The following ZNF235 variants were observed in gnomAD, a reference collection of about 807,000 sequenced individuals.
ZNF235 encodes zfp-93.
In ZNF235, 25 loss-of-function variants were observed where a neutral mutation model predicts 29.4. The ratio of observed to expected loss-of-function variants is 0.85; its 90% confidence interval spans 0.62 to 1.19. The LOEUF (loss-of-function observed/expected upper bound fraction) is 1.19, where lower values mean the gene tolerates loss of function less well. Ranked by LOEUF, ZNF235 falls within the 50% of genes most tolerant of loss-of-function variation. The probability of loss-of-function intolerance (pLI) is 0.00; values close to 1 mark genes in which losing one functional copy is unlikely to be tolerated. For synonymous variants in ZNF235, 300 were observed against 295.3 expected, an observed-to-expected ratio of 1.02 and a Z score of -0.16; for missense variants, 788 against 885.0, an observed-to-expected ratio of 0.89 and a Z score of 1.39.
chr19:44,286,877 T>C lies in ZNF235; in HGVS notation c.*341A>G, dbSNP rs910181367. 5 of 204,444 alleles carry C rather than the reference T, an allele frequency of 2.4e-5. No homozygotes were observed. Among genetic ancestry groups the C allele is most frequent in the South Asian group, 2.7e-4 (2 of 7,330 alleles). The allele number at this position is 204,444 out of a possible 1,614,324, so 12.7% of individuals were successfully genotyped here. ...TACATTTTAGTTGACATCCATTTTT[T>C]CTGTCAATCATACTTTTGTTAAAGG... On this transcript the variant is annotated 3_prime_UTR_variant, in exon 5 of 5. Transcript: ENST00000291182.
chr19:44,289,433 A>G, intron 4 of ZNF235: 1 of 430,556 alleles, frequency 2.3e-6, no homozygotes, highest in Non-Finnish European at 4.1e-6. Context: ...GTTAAGGTGT[A>G]TCTTGGGTCT....
chr19:44,293,160 C>A (rs1045709325), intron 4 of ZNF235, among the ~76,000 whole-genome samples: 1 of 151,806 alleles, frequency 6.6e-6, no homozygotes, highest in Admixed American at 6.6e-5. Flanking sequence ...AATAATTACA[C>A]AAAGAAAGAA....
At chr19:44,292,861 T>C (rs1975603433) in intron 4 of ZNF235, among the ~76,000 whole-genome samples, 1 of 152,048 alleles carries the variant, frequency 6.6e-6, no homozygotes. Context: ...TAGTCACCTA[T>C]AAAGGAAGCT....
At position 44,304,931 on chromosome 19, in the gene ZNF235, G is replaced by C. The variant is rs112795831; in HGVS notation, c.-49+40C>G. ...ATTGCTGGCCCCACGCCTAGGCAAA[G>C]AGGGCTCGGAGAAGTCTTGGAGACC... is the stretch of plus-strand genomic sequence containing the variant. On this transcript the variant is annotated intron_variant, in intron 1 of 4. Transcript: ENST00000291182. The C allele has an allele frequency of 4.3e-4, 427 of 985,488 alleles. 3 individuals carry two copies. In the African/African-American group the frequency reaches 7.0e-3, roughly 16 times the overall value. 61.0% of individuals were successfully genotyped at this position (985,488 alleles called of 1,614,324 possible).
At chr19:44,303,548 T>A (rs527540086) in intron 1 of ZNF235, 96 bp from the exon 2 acceptor site, 1 of 1,139,802 alleles carries the variant, frequency 8.8e-7, no homozygotes, top group Non-Finnish European at 1.3e-6. Flanking sequence ...CCCCTGTCTC[T>A]AGGCAGACAC....
intron 2 of ZNF235, among the ~76,000 whole-genome samples, chr19:44,300,605 C>T (rs919803979): frequency 1.5e-4 from 23 of 151,864 alleles, no homozygotes; most frequent in Non-Finnish European, 2.9e-4. Flanking sequence ...TTTGAGAGGT[C>T]GAGACGGGCA....
At chr19:44,295,438 T>C (rs2722751) in intron 4 of ZNF235, among the ~76,000 whole-genome samples, 109,082 of 151,704 alleles carry the variant, frequency 0.72, 39,490 homozygotes, top group African/African-American at 0.79. Flanking sequence ...AAAGAAGTTG[T>C]AGATGACATA....
At chr19:44,302,474 A>G (rs1333329292) in intron 2 of ZNF235, among the ~76,000 whole-genome samples, 1 of 152,068 alleles carries the variant, frequency 6.6e-6, no homozygotes, top group Non-Finnish European at 1.5e-5. Flanking sequence ...ATTTGTAAAC[A>G]TATTTGTAAT....
intron 2 of ZNF235, among the ~76,000 whole-genome samples, chr19:44,302,993 TATATAC>T (rs1179171176): frequency 3.8e-5 from 5 of 131,528 alleles, no homozygotes; most frequent in Admixed American, 7.8e-5. Context: ...TATATATAAA[TATATAC>T]ATATATACGT....
chr19:44,294,520 C>A (rs1244954741), intron 4 of ZNF235, among the ~76,000 whole-genome samples: 1 of 152,118 alleles, frequency 6.6e-6, no homozygotes, highest in African/African-American at 2.4e-5. Context: ...TCTACTAAAA[C>A]TCTTTCAAAA....
intron 4 of ZNF235, among the ~76,000 whole-genome samples, chr19:44,292,072 AG>A (rs1307959941): frequency 6.6e-6 from 1 of 152,144 alleles, no homozygotes; most frequent in African/African-American, 2.4e-5. Flanking sequence ...GATTATCTCA[AG>A]AATGCAAGGC....
intron 1 of ZNF235, chr19:44,304,555 A>C (rs1975802782): frequency 3.7e-6 from 1 of 267,368 alleles, no homozygotes; most frequent in African/African-American, 2.3e-5. Flanking sequence ...AACAGAATTA[A>C]CGGTGGCATC....
chr19:44,287,823 T>G lies in ZNF235; in HGVS notation c.1612A>C (p.Thr538Pro). The change falls in exon 5 of 5, where the codon ACT (threonine) becomes CCT (proline). Residue 538 changes from threonine (T) to proline (P), a missense_variant. Coordinates refer to ENST00000291182, the MANE Select transcript of ZNF235 (RefSeq NM_004234.4). Reference protein sequence around the residue: ...SYFQAHQRVHTGEKPYKCEVC... With the variant: ...SYFQAHQRVHPGEKPYKCEVC... ...TCACATTTGTATGGTTTTTCTCCAGTGTGGACTCTCTGATGTGCTTGAAAG... is the reference window on the plus strand; with the variant it reads ...TCACATTTGTATGGTTTTTCTCCAGGGTGGACTCTCTGATGTGCTTGAAAG... The G allele has an allele frequency of 6.2e-7, 1 of 1,614,158 alleles. No homozygotes were observed. Among genetic ancestry groups the G allele is most frequent in the Non-Finnish European group, 8.5e-7 (1 of 1,180,026 alleles).
At chr19:44,302,863 TA>T (rs1440167846) in intron 2 of ZNF235, among the ~76,000 whole-genome samples, 1 of 113,096 alleles carries the variant, frequency 8.8e-6, no homozygotes, top group East Asian at 2.6e-4. Flanking sequence ...AATATATACT[TA>T]TATATATTTG....
intron 2 of ZNF235, among the ~76,000 whole-genome samples, chr19:44,303,144 T>C (rs1975778896): frequency 7.0e-6 from 1 of 143,704 alleles, no homozygotes; most frequent in Non-Finnish European, 1.5e-5. Flanking sequence ...TGTATATAAA[T>C]ATAAAATATA....
In ZNF235 at chr19:44,287,864, A is replaced by T; in HGVS notation, c.1571T>A (p.Phe524Tyr). 6.2e-7 allele frequency: 1 copy of T among 1,613,934 alleles called. No individual in the cohort carries two copies. Among genetic ancestry groups the T allele is most frequent in the Non-Finnish European group, 8.5e-7 (1 of 1,179,984 alleles). Residue 524 changes from phenylalanine to tyrosine, a missense_variant, in exon 5 of 5, where the codon TTC becomes TAC. Physicochemically the swap from Phe to Tyr is conservative, Grantham distance 22. Coordinates refer to ENST00000291182, the MANE Select transcript of ZNF235 (RefSeq NM_004234.4). ...PFRCNVCGKG[F>Y]SQSSYFQAHQ... ...TGCTTGAAAGTATGAACTCTGACTG[A>T]AGCCTTTCCCACACACGTTGCATCG... is the stretch of plus-strand genomic sequence containing the variant.
Position 44,303,553 on chromosome 19 carries a change from A to C in ZNF235, c.-48-101T>G. 5 of 1,082,138 alleles carry C rather than the reference A, an allele frequency of 4.6e-6. 1 individual carries two copies. In the South Asian group the frequency reaches 7.1e-5, roughly 15 times the overall value. 67.0% of individuals were successfully genotyped at this position (1,082,138 alleles called of 1,614,324 possible). A position where few individuals can be genotyped will look rare whatever the true frequency, so the allele number is the denominator to read the frequency against. ...GAGAAAGGTCCCCCTGTCTCTAGGC[A>C]GACACAGTTGCACACGGCTTAGTGA... On this transcript the variant is annotated intron_variant, in intron 1 of 4. Coordinates refer to ENST00000291182, the MANE Select transcript of ZNF235 (RefSeq NM_004234.4).
chr19:44,295,664 G>T (rs1022419168), intron 4 of ZNF235, among the ~76,000 whole-genome samples: 4 of 152,114 alleles, frequency 2.6e-5, no homozygotes, highest in African/African-American at 9.7e-5. Flanking sequence ...CAAAGCTGGA[G>T]GCATTACATT....
rs1337291116 is a variant in ZNF235 at position 44,286,849 on chromosome 19, G to A, written c.*369C>T. 5.4e-6 allele frequency: 1 copy of A among 183,794 alleles called. No homozygotes were observed. Among genetic ancestry groups the A allele is most frequent in the Non-Finnish European group, 1.1e-5 (1 of 87,862 alleles). 11.4% of individuals were successfully genotyped at this position (183,794 alleles called of 1,614,324 possible). On this transcript the variant is annotated 3_prime_UTR_variant, in exon 5 of 5. Transcript: ENST00000291182. Reference sequence around the variant, plus strand: ...GGTGAAAAACACCTCCTTACATAGAGGTTACATTTTAGTTGACATCCATTT... The same window carrying A: ...GGTGAAAAACACCTCCTTACATAGAAGTTACATTTTAGTTGACATCCATTT...
Sources: allele counts gnomAD v4.1 joint callset (sites outside exome capture counted in the v4.1 genomes callset), GRCh38; gene constraint gnomAD v4.1.1; transcripts MANE v1.5; gene names NCBI Gene and HGNC (gene_info 2026-07-23, HGNC 2026-07-21).